The following CNTN4 variants were observed in gnomAD, a reference collection of about 807,000 sequenced individuals.
CNTN4 encodes contactin 4.
A neutral mutation model predicts 122.5 loss-of-function variants in CNTN4; 77 were observed. The observed-to-expected ratio is 0.63, with a 90% confidence interval of 0.52 to 0.76. The LOEUF (loss-of-function observed/expected upper bound fraction) is 0.76, where lower values mean the gene tolerates loss of function less well. CNTN4 is among the 30% of genes least tolerant of loss of function. The pLI, the probability that CNTN4 is intolerant of heterozygous loss-of-function variation, is 0.00. For missense variants in CNTN4, 1,256 were observed against 1,259.1 expected (o/e 1.00, Z 0.04); for synonymous variants, 512 against 447.0 (o/e 1.15, Z -1.83).
At chr3:2,408,505 A>G (rs545457095) in intron 3 of CNTN4, among the ~76,000 whole-genome samples, 1 of 152,328 alleles carries the variant, frequency 6.6e-6, no homozygotes, top group African/African-American at 2.4e-5. Flanking sequence ...CACTCATAGA[A>G]ATACAGTTGT....
At chr3:2,383,195 G>A (rs889677152) in intron 3 of CNTN4, among the ~76,000 whole-genome samples, 3 of 152,080 alleles carry the variant, frequency 2.0e-5, no homozygotes, top group African/African-American at 7.2e-5. Flanking sequence ...AGACTTATAT[G>A]AGCATATAAC....
At chr3:2,400,430 T>TATATATATATATATATATATATATAC (rs2046811017) in intron 3 of CNTN4, among the ~76,000 whole-genome samples, 5 of 68,548 alleles carry the variant, frequency 7.3e-5, no homozygotes, top group African/African-American at 1.7e-4. Context: ...TATATATACA[T>TATATATATATATATATATATATATAC]ATATATATAT....
intron 3 of CNTN4, among the ~76,000 whole-genome samples, chr3:2,416,519 A>C (rs972407056): frequency 3.3e-5 from 5 of 152,216 alleles, no homozygotes; most frequent in Non-Finnish European, 7.3e-5. Flanking sequence ...CCAAAATGGA[A>C]TATTGAGCTT....
At chr3:2,540,571 A>T (rs6787604) in intron 3 of CNTN4, among the ~76,000 whole-genome samples, 118,291 of 151,952 alleles carry the variant, frequency 0.78, 46,772 homozygotes, top group East Asian at 0.99. Context: ...AAGTAGTAGG[A>T]GTTTCAGTAT....
intron 4 of CNTN4, among the ~76,000 whole-genome samples, chr3:2,660,324 A>T (rs1012069270): frequency 6.6e-6 from 1 of 152,292 alleles, no homozygotes; most frequent in Non-Finnish European, 1.5e-5. Flanking sequence ...ATATTGGGGG[A>T]GGTGGATTCA....
At chr3:2,270,747 C>T (rs1356086539) in intron 2 of CNTN4, among the ~76,000 whole-genome samples, 1 of 123,140 alleles carries the variant, frequency 8.1e-6, no homozygotes, top group Non-Finnish European at 2.0e-5. Context: ...TCAGGAGGAC[C>T]CAGAATAAAT....
At chr3:2,919,981 A>G (rs947110005) in intron 12 of CNTN4, among the ~76,000 whole-genome samples, 1 of 151,374 alleles carries the variant, frequency 6.6e-6, no homozygotes, top group Non-Finnish European at 1.5e-5. Flanking sequence ...AGTCTTTTAT[A>G]AAAAAAAATA....
At chr3:3,050,289 C>A (rs163351) in intron 23 of CNTN4, among the ~76,000 whole-genome samples, 22,498 of 151,354 alleles carry the variant, frequency 0.15, 2,036 homozygotes, top group African/African-American at 0.26. Flanking sequence ...ATGTCTAACT[C>A]AAAAAAAATA....
chr3:2,701,277 T>C lies in CNTN4; in HGVS notation c.56-34938T>C, dbSNP rs1229235669. On this transcript the variant is annotated intron_variant, in intron 4 of 24. Coordinates refer to ENST00000418658, the MANE Select transcript of CNTN4 (RefSeq NM_175607.3). ...CAAAATGCATCCAGTATATTTTGAG[T>C]AGAGACTGATTATGGTTACTGATCT... 7.2e-5 allele frequency among the ~76,000 whole-genome samples: 11 copies of C among 152,240 alleles called. No homozygotes were observed. In the South Asian group the frequency reaches 2.1e-3, roughly 29 times the overall value.
chr3:2,289,957 G>C (rs1457269724), intron 2 of CNTN4, among the ~76,000 whole-genome samples: 2 of 151,816 alleles, frequency 1.3e-5, no homozygotes, highest in Non-Finnish European at 2.9e-5. Context: ...CAGGGTTACA[G>C]AATGTTCATT....
chr3:2,172,161 C>T (rs1177251072), intron 2 of CNTN4, among the ~76,000 whole-genome samples: 1 of 151,694 alleles, frequency 6.6e-6, no homozygotes, highest in Non-Finnish European at 1.5e-5. Flanking sequence ...AAATTGATTG[C>T]AAACCAAAGA....
At chr3:2,255,267 C>T (rs997878797) in intron 2 of CNTN4, among the ~76,000 whole-genome samples, 7 of 152,042 alleles carry the variant, frequency 4.6e-5, no homozygotes, top group Admixed American at 2.6e-4. Context: ...GTACCAGTAC[C>T]GTGCTGGATT....
chr3:3,047,177 G>A (rs770177893), intron 23 of CNTN4, among the ~76,000 whole-genome samples: 5 of 151,774 alleles, frequency 3.3e-5, no homozygotes, highest in Admixed American at 1.3e-4. Context: ...CAATAATGAC[G>A]GGAGACTTTA....
chr3:2,107,108 C>G (rs1032924721), intron 2 of CNTN4, among the ~76,000 whole-genome samples: 3 of 152,208 alleles, frequency 2.0e-5, no homozygotes, highest in Admixed American at 1.3e-4. Flanking sequence ...TCCTCCAAGT[C>G]TCTAGTAAGT....
At chr3:2,788,351 A>G (rs918355229) in intron 6 of CNTN4, among the ~76,000 whole-genome samples, 8 of 152,198 alleles carry the variant, frequency 5.3e-5, no homozygotes, top group African/African-American at 1.9e-4. Context: ...ATTTGGAATT[A>G]TTTAACCCAA....
rs1490833777 is a variant in CNTN4, at chr3:2,890,226, G to A, written c.940+3002G>A. ...AATTGTTTTCATTGTCACAGCCACAGGAGAGCTTAATTATACATAAGCACT... is the reference window on the plus strand; with the variant it reads ...AATTGTTTTCATTGTCACAGCCACAAGAGAGCTTAATTATACATAAGCACT... On this transcript the variant is annotated intron_variant, in intron 10 of 24. Transcript: ENST00000418658. Among the ~76,000 whole-genome samples, 3 of 152,264 alleles carry A rather than the reference G, an allele frequency of 2.0e-5. No individual in the cohort carries two copies. In the East Asian group the frequency reaches 5.8e-4, roughly 29 times the overall value.
chr3:2,709,246 AGTTTT>A lies in CNTN4; in HGVS notation c.56-26958_56-26954del, dbSNP rs995195115. 6.6e-6 allele frequency among the ~76,000 whole-genome samples: 1 copy of A among 152,194 alleles called. No homozygotes were observed. Among genetic ancestry groups the A allele is most frequent in the African/African-American group, 2.4e-5 (1 of 41,450 alleles). ...CTTTTAGAATAAAGAATGTATTTAT[AGTTTT>A]GTTTTGTTTTTAAATCTTGAAAGAG... On this transcript the variant is annotated intron_variant, in intron 4 of 24. Transcript: ENST00000418658. This position sits in a 1 kb window ranked among gnomAD's most constrained non-coding sequence, Gnocchi z 5.0.
chr3:3,014,427 T>C (rs2125536089), intron 14 of CNTN4, among the ~76,000 whole-genome samples: 1 of 152,336 alleles, frequency 6.6e-6, no homozygotes, highest in Non-Finnish European at 1.5e-5. Flanking sequence ...AGATACAGCT[T>C]ATCTGCAAAT....
chr3:2,160,693 G>T (rs1023353391), intron 2 of CNTN4, among the ~76,000 whole-genome samples: 2 of 152,048 alleles, frequency 1.3e-5, no homozygotes, highest in African/African-American at 2.4e-5. Context: ...CCAAAGAAAG[G>T]GTCCCTTAAA....
Sources: gnomAD v4.1 joint callset for allele counts (sites outside exome capture counted in the v4.1 genomes callset) on GRCh38, gnomAD v4.1.1 for gene constraint, Gnocchi (gnomAD v3.1) non-coding constraint, MANE v1.5 for transcripts, NCBI Gene and HGNC (gene_info 2026-07-23, HGNC 2026-07-21) for gene names.